The following CLEC16A variants were observed in gnomAD, a reference collection of about 807,000 sequenced individuals.
The protein encoded by CLEC16A is protein CLEC16A.
In CLEC16A, 51 loss-of-function variants were observed where a neutral mutation model predicts 109.5. That is an observed-to-expected ratio of 0.47 (90% confidence interval 0.37 to 0.59). The LOEUF (loss-of-function observed/expected upper bound fraction) is 0.59, where lower values mean the gene tolerates loss of function less well. Ranked by LOEUF, CLEC16A falls within the 20% of genes least tolerant of loss-of-function variation. The pLI, the probability that CLEC16A is intolerant of heterozygous loss-of-function variation, is 0.00. For missense variants in CLEC16A, 1,339 were observed against 1,394.0 expected (o/e 0.96, Z 0.63); for synonymous variants, 673 against 564.2 (o/e 1.19, Z -2.73).
At chr16:11,135,476 A>G (rs2053504048) in intron 22 of CLEC16A, among the ~76,000 whole-genome samples, 1 of 152,236 alleles carries the variant, frequency 6.6e-6, no homozygotes, top group Admixed American at 6.5e-5. Flanking sequence ...AGGCAGGGCC[A>G]GCCATCTTGC....
intron 13 of CLEC16A, among the ~76,000 whole-genome samples, chr16:11,031,974 C>G (rs951883478): frequency 2.6e-5 from 4 of 152,208 alleles, no homozygotes; most frequent in African/African-American, 9.6e-5. Context: ...ATGGGGACTA[C>G]AAACTCCAGG....
chr16:11,026,337 G>T (rs937139339), intron 13 of CLEC16A, among the ~76,000 whole-genome samples: 1 of 152,170 alleles, frequency 6.6e-6, no homozygotes, highest in Non-Finnish European at 1.5e-5. Flanking sequence ...TTCTTCAGTA[G>T]GCATAGGGCT....
chr16:11,085,867 C>T (rs1196408541), intron 19 of CLEC16A, among the ~76,000 whole-genome samples: 1 of 152,234 alleles, frequency 6.6e-6, no homozygotes, highest in Non-Finnish European at 1.5e-5. Flanking sequence ...GCTGGGATTA[C>T]AGGCGTGAGC....
chr16:11,051,747 A>G (rs2047953149), intron 18 of CLEC16A, 106 bp downstream of exon 18: 9 of 1,433,792 alleles, frequency 6.3e-6, no homozygotes, highest in East Asian at 2.3e-5. Context: ...CCTGCCCTCA[A>G]CACAGCTTAG....
chr16:10,984,443 A>G (rs1157551956), intron 10 of CLEC16A, among the ~76,000 whole-genome samples: 2 of 152,178 alleles, frequency 1.3e-5, no homozygotes, highest in Non-Finnish European at 2.9e-5. Context: ...GTATCATGCT[A>G]GTTCTGGGGA....
At chr16:10,995,580 C>T (rs1340816349) in intron 10 of CLEC16A, among the ~76,000 whole-genome samples, 2 of 152,170 alleles carry the variant, frequency 1.3e-5, no homozygotes, top group Non-Finnish European at 2.9e-5. Flanking sequence ...GATCTATTTG[C>T]CAGGGGGTTG....
At position 11,181,686 on chromosome 16, in the gene CLEC16A, G is replaced by A. The variant is rs1377677373; in HGVS notation, c.*2996G>A. On this transcript the variant is annotated 3_prime_UTR_variant, in exon 24 of 24. Transcript: ENST00000409790. ...TGGGATTGGGAGGAGGGGCCTCCGTGAGCAGCCCCTCCTCTGCCGCTGTCC... is the reference window on the plus strand; with the variant it reads ...TGGGATTGGGAGGAGGGGCCTCCGTAAGCAGCCCCTCCTCTGCCGCTGTCC... 1 of 152,326 alleles carries A rather than the reference G, an allele frequency of 6.6e-6. No homozygotes were observed. Among genetic ancestry groups the A allele is most frequent in the Non-Finnish European group, 1.5e-5 (1 of 68,066 alleles). The allele number at this position is 152,326 out of a possible 1,614,324, so 9.4% of individuals were successfully genotyped here.
chr16:11,168,395 C>T (rs1316374659), intron 23 of CLEC16A, among the ~76,000 whole-genome samples: 1 of 152,208 alleles, frequency 6.6e-6, no homozygotes, highest in African/African-American at 2.4e-5. Flanking sequence ...TCAGGACCTC[C>T]GAGGTGTCTG....
intron 22 of CLEC16A, among the ~76,000 whole-genome samples, chr16:11,137,626 T>C (rs576761586): frequency 1.5e-5 from 2 of 132,454 alleles, no homozygotes; most frequent in Non-Finnish European, 3.2e-5. Context: ...AATGCCAACA[T>C]GGTGAAATCC....
chr16:11,161,413 A>G (rs992779744), intron 22 of CLEC16A, among the ~76,000 whole-genome samples: 2 of 152,188 alleles, frequency 1.3e-5, no homozygotes, highest in African/African-American at 4.8e-5. Context: ...AAGAAGCAAA[A>G]CAGAACTCCA....
rs114776857 is a variant in CLEC16A, at chr16:11,120,968, C to T, written c.2268+202C>T. Among the ~76,000 whole-genome samples, 1,196 of 152,250 alleles carry T rather than the reference C, an allele frequency of 7.9e-3. 16 individuals are homozygous for T. Among genetic ancestry groups the T allele is most frequent in the African/African-American group, 0.027 (1,131 of 41,548 alleles). On this transcript the variant is annotated intron_variant, in intron 20 of 23. Transcript: ENST00000409790. ...CAGATAAGAGCAAAGTCCTCTTTGA[C>T]CAAAACGCTCGATTCTTACACCTCC... is the stretch of plus-strand genomic sequence containing the variant.
intron 17 of CLEC16A, 74 bp downstream of exon 17, chr16:11,047,416 G>A (rs2047693809): frequency 1.7e-5 from 21 of 1,242,544 alleles, no homozygotes; most frequent in Non-Finnish European, 2.2e-5. Flanking sequence ...GCCCATCCCA[G>A]AGGGAGTTTT....
At chr16:11,167,560 C>G (rs957365161) in intron 23 of CLEC16A, among the ~76,000 whole-genome samples, 33 of 152,184 alleles carry the variant, frequency 2.2e-4, no homozygotes, top group African/African-American at 7.5e-4. Context: ...CCCTGGGCAC[C>G]TACACCTCTC....
At chr16:10,995,906 G>A (rs1260694305) in intron 10 of CLEC16A, among the ~76,000 whole-genome samples, 1 of 152,136 alleles carries the variant, frequency 6.6e-6, no homozygotes, top group Non-Finnish European at 1.5e-5. Context: ...GAGTAGGCTC[G>A]GCCTAGGAGA....
intron 16 of CLEC16A, among the ~76,000 whole-genome samples, chr16:11,045,877 T>C (rs1007802927): frequency 3.9e-5 from 6 of 152,186 alleles, no homozygotes; most frequent in Non-Finnish European, 7.3e-5. Context: ...TTTGTTGAGA[T>C]AAAATGAGGT....
Position 11,106,412 on chromosome 16 carries a change from C to T in CLEC16A, c.2117-14203C>T, listed in dbSNP as rs147914115. Among the ~76,000 whole-genome samples, 1,243 of 150,964 alleles carry T rather than the reference C, an allele frequency of 8.2e-3. 5 individuals carry two copies. The highest frequency in any genetic ancestry group is 0.013 in the Non-Finnish European group (857 of 67,910). On this transcript the variant is annotated intron_variant, in intron 19 of 23. Coordinates refer to ENST00000409790, the MANE Select transcript of CLEC16A (RefSeq NM_015226.3). ...CGAGTGAGCTTCCCACTTCGGCCTCCGAAGCAGCTAGGATTACAGGTGTGA... is the reference window on the plus strand; with the variant it reads ...CGAGTGAGCTTCCCACTTCGGCCTCTGAAGCAGCTAGGATTACAGGTGTGA...
At chr16:11,018,940 G>A (rs2094386815) in intron 11 of CLEC16A, among the ~76,000 whole-genome samples, 1 of 152,098 alleles carries the variant, frequency 6.6e-6, no homozygotes, top group South Asian at 2.1e-4. Context: ...TTTGAACAGA[G>A]GAGTGACATG....
At chr16:11,059,794 C>T (rs926613826) in intron 18 of CLEC16A, among the ~76,000 whole-genome samples, 5 of 152,180 alleles carry the variant, frequency 3.3e-5, no homozygotes, top group Admixed American at 6.5e-5. Flanking sequence ...AGCAGGCATG[C>T]GAGCTATCAT....
At chr16:11,103,312 GC>G (rs1236260936) in intron 19 of CLEC16A, among the ~76,000 whole-genome samples, 3 of 152,178 alleles carry the variant, frequency 2.0e-5, no homozygotes, top group Non-Finnish European at 4.4e-5. Flanking sequence ...TGGGCACAGG[GC>G]TCACTCCTGT....
Sources: gnomAD v4.1 joint callset for allele counts (sites outside exome capture counted in the v4.1 genomes callset) on GRCh38, gnomAD v4.1.1 for gene constraint, MANE v1.5 for transcripts, NCBI Gene and HGNC (gene_info 2026-07-23, HGNC 2026-07-21) for gene names.